TPST1: variants seen among roughly 807,000 people sequenced by gnomAD.
The protein encoded by TPST1 is tyrosylprotein sulfotransferase 1.
Under a neutral mutation model 34.8 loss-of-function variants are expected in TPST1, and 20 were observed. The observed-to-expected ratio is 0.57, with a 90% CI of 0.40 to 0.84. TPST1 has a LOEUF of 0.84. Among genes scored for constraint, TPST1 ranks in the 40% least tolerant of loss-of-function variants. TPST1 has a pLI of 0.00. For synonymous variants in TPST1, 152 were observed against 159.4 expected, an observed-to-expected ratio of 0.95 and a Z score of 0.35; for missense variants, 353 against 455.5, an observed-to-expected ratio of 0.78 and a Z score of 2.05.
chr7:66,232,687 G>A (rs981982253), intron 1 of TPST1, among the ~76,000 whole-genome samples: 2 of 152,038 alleles, frequency 1.3e-5, no homozygotes, highest in African/African-American at 2.4e-5. Flanking sequence ...ATTATTTTTT[G>A]TAGAGATGAG....
intron 2 of TPST1, among the ~76,000 whole-genome samples, chr7:66,250,028 G>A (rs556940128): frequency 6.6e-6 from 1 of 152,250 alleles, no homozygotes; most frequent in Admixed American, 6.5e-5. Context: ...ACACTAACTG[G>A]TTTTGTAACA....
intron 1 of TPST1, among the ~76,000 whole-genome samples, chr7:66,211,912 G>A (rs1789270658): frequency 1.3e-5 from 2 of 152,288 alleles, no homozygotes; most frequent in East Asian, 3.9e-4. Context: ...GTCGCAGTGA[G>A]CCAACATTGC....
intron 3 of TPST1, among the ~76,000 whole-genome samples, chr7:66,299,299 G>A (rs1013896033): frequency 8.0e-6 from 1 of 124,302 alleles, no homozygotes; most frequent in Non-Finnish European, 1.6e-5. Flanking sequence ...ATGCTCTTAG[G>A]TTTTTTTTTT....
At chr7:66,286,487 T>C in intron 2 of TPST1, 24 bp from the exon 3 acceptor site, 3 of 1,469,116 alleles carry the variant, frequency 2.0e-6, no homozygotes, top group Non-Finnish European at 2.7e-6. Flanking sequence ...AAATAAATAT[T>C]TATTCATATT....
At chr7:66,358,984 G>A (rs1031134552) in intron 5 of TPST1, 1 of 152,222 alleles carries the variant, frequency 6.6e-6, no homozygotes, top group Admixed American at 6.5e-5. Context: ...AAGCCCTTAG[G>A]ATGGATACTA....
At chr7:66,286,444 G>A (rs1791034932) in intron 2 of TPST1, 67 bp from the exon 3 acceptor site, 1 of 1,206,610 alleles carries the variant, frequency 8.3e-7, no homozygotes, top group Non-Finnish European at 1.1e-6. Context: ...ATAATTTATA[G>A]TGGTTTTAAA....
intron 5 of TPST1, among the ~76,000 whole-genome samples, 157 bp from the exon 6 acceptor site, chr7:66,359,738 G>A (rs1245976065): frequency 1.3e-5 from 2 of 152,152 alleles, no homozygotes; most frequent in South Asian, 4.1e-4. Flanking sequence ...TCCTGAGGCA[G>A]CTGTTCTCAA....
intron 3 of TPST1, among the ~76,000 whole-genome samples, chr7:66,313,906 A>G (rs1414247693): frequency 6.6e-6 from 1 of 151,904 alleles, no homozygotes; most frequent in East Asian, 1.9e-4. Context: ...CATCATATAT[A>G]TAGTTTTATA....
At chr7:66,316,487 G>A (rs1483776814) in intron 3 of TPST1, among the ~76,000 whole-genome samples, 1 of 152,146 alleles carries the variant, frequency 6.6e-6, no homozygotes, top group African/African-American at 2.4e-5. Flanking sequence ...CTAATGTTTT[G>A]TATCATTGGT....
At chr7:66,213,481 C>T (rs1033176113) in intron 1 of TPST1, among the ~76,000 whole-genome samples, 4 of 152,156 alleles carry the variant, frequency 2.6e-5, no homozygotes, top group East Asian at 1.9e-4. Context: ...ATAGGCTGGG[C>T]GCGGTGGCTC....
chr7:66,244,753 G>T (rs1790113340), intron 2 of TPST1, among the ~76,000 whole-genome samples: 1 of 152,106 alleles, frequency 6.6e-6, no homozygotes, highest in Admixed American at 6.5e-5. Context: ...AGTTTGCTAG[G>T]TCAAAAGAGC....
intron 2 of TPST1, among the ~76,000 whole-genome samples, chr7:66,241,545 C>G (rs184910540): frequency 6.6e-6 from 1 of 152,070 alleles, no homozygotes; most frequent in Non-Finnish European, 1.5e-5. Context: ...ACAAACCCAC[C>G]TTACAGGCGG....
chr7:66,321,564 G>A (rs569909839), intron 3 of TPST1, among the ~76,000 whole-genome samples: 1 of 152,332 alleles, frequency 6.6e-6, no homozygotes, highest in South Asian at 2.1e-4. Context: ...TTGGGAATGT[G>A]CAACCAGGCC....
intron 3 of TPST1, among the ~76,000 whole-genome samples, chr7:66,326,591 C>G (rs967990867): frequency 6.6e-6 from 1 of 152,160 alleles, no homozygotes; most frequent in Non-Finnish European, 1.5e-5. Context: ...ATTCTGCACA[C>G]TAAACTTCCC....
At chr7:66,244,457 T>C (rs1256395081) in intron 2 of TPST1, among the ~76,000 whole-genome samples, 1 of 152,182 alleles carries the variant, frequency 6.6e-6, no homozygotes, top group Non-Finnish European at 1.5e-5. Flanking sequence ...AACCTTTACT[T>C]TGCTTAGAAA....
chr7:66,256,831 T>C (rs1790391969), intron 2 of TPST1, among the ~76,000 whole-genome samples: 1 of 152,202 alleles, frequency 6.6e-6, no homozygotes. Context: ...CATATGGCCC[T>C]CTTAATTTGC....
At chr7:66,241,508 G>A (rs1790035837) in intron 2 of TPST1, among the ~76,000 whole-genome samples, 1 of 151,568 alleles carries the variant, frequency 6.6e-6, no homozygotes, top group Admixed American at 6.6e-5. Context: ...TTTATATATC[G>A]TGGCCCTCTT....
intron 3 of TPST1, among the ~76,000 whole-genome samples, chr7:66,307,941 T>G (rs1045721054): frequency 3.3e-5 from 5 of 152,260 alleles, no homozygotes; most frequent in Non-Finnish European, 5.9e-5. Context: ...CACTTTGTCC[T>G]GTTTGAGAAT....
In TPST1 at chr7:66,332,223, A is replaced by G. The variant is rs138777880; in HGVS notation, c.1045-20282A>G. On this transcript the variant is annotated intron_variant, in intron 3 of 5. Coordinates refer to ENST00000304842, the MANE Select transcript of TPST1 (RefSeq NM_003596.4). The surrounding 1 kb of genome is among the most constrained non-coding windows in gnomAD (Gnocchi z 4.5). Reference sequence around the variant, plus strand: ...GAATTGGATCTGCGGTCTACAAGTAATGTTAATGACATTTATTTTAAGTTG... The same window carrying G: ...GAATTGGATCTGCGGTCTACAAGTAGTGTTAATGACATTTATTTTAAGTTG... Among the ~76,000 whole-genome samples, 233 of 152,002 alleles carry G rather than the reference A, an allele frequency of 1.5e-3. No individual in the cohort carries two copies. Among genetic ancestry groups the G allele is most frequent in the African/African-American group, 5.3e-3 (218 of 41,426 alleles).
Sources: gnomAD v4.1 joint callset for allele counts (sites outside exome capture counted in the v4.1 genomes callset) on GRCh38, gnomAD v4.1.1 for gene constraint, Gnocchi (gnomAD v3.1) non-coding constraint, MANE v1.5 for transcripts, NCBI Gene and HGNC (gene_info 2026-07-23, HGNC 2026-07-21) for gene names.